ALDH1B1: variants seen among roughly 807,000 people sequenced by gnomAD.
ALDH1B1 encodes aldehyde dehydrogenase family 1 member B1, mitochondrial.
In ALDH1B1, 19 loss-of-function variants were observed where a neutral mutation model predicts 26.2. The observed-to-expected ratio is 0.72, with a 90% CI of 0.51 to 1.06. The LOEUF (loss-of-function observed/expected upper bound fraction) is 1.06, where lower values mean the gene tolerates loss of function less well. Among genes scored for constraint, ALDH1B1 ranks in the 50% least tolerant of loss-of-function variants. ALDH1B1 has a pLI of 0.00. For missense variants in ALDH1B1, 671 were observed against 683.1 expected (o/e 0.98, Z 0.20); for synonymous variants, 249 against 286.0 (o/e 0.87, Z 1.31).
At chr9:38,393,320 C>G (rs571660792) in intron 1 of ALDH1B1, among the ~76,000 whole-genome samples, 1 of 152,312 alleles carries the variant, frequency 6.6e-6, no homozygotes, top group East Asian at 1.9e-4. Flanking sequence ...CTCTCTGATG[C>G]CCAGCCTTCT....
At chr9:38,395,705 A>AT in intron 1 of ALDH1B1, 35 bp from the exon 2 acceptor site, 1 of 1,532,036 alleles carries the variant, frequency 6.5e-7, no homozygotes, top group African/African-American at 1.4e-5. Flanking sequence ...GCCTTCTCCC[A>AT]CCTGTTCACC....
In ALDH1B1 at chr9:38,396,834, G is replaced by T. The variant is rs1326880726; in HGVS notation, c.1086G>T (p.Val362=). The change falls in exon 2 of 2, where the codon GTG becomes GTT. Residue 362 remains valine, a synonymous_variant. Transcript: ENST00000377698. ...FELDTQQGPQ[V]DKEQFERVLG... ...TGGACACCCAGCAGGGGCCTCAGGTGGACAAGGAGCAGTTTGAACGAGTCC... is the reference window on the plus strand; with the variant it reads ...TGGACACCCAGCAGGGGCCTCAGGTTGACAAGGAGCAGTTTGAACGAGTCC... The T allele has an allele frequency of 3.1e-6, 5 of 1,614,126 alleles. No individual in the cohort carries two copies. The highest frequency in any genetic ancestry group is 1.7e-5 in the Admixed American group (1 of 60,012).
rs546812770 is a variant in ALDH1B1 at position 38,395,677 on chromosome 9, C to T, written c.-9-63C>T. The T allele has an allele frequency of 1.8e-4, 271 of 1,512,224 alleles. 2 individuals are homozygous for T. The South Asian group carries it at 3.2e-3, about 18-fold the overall frequency. The allele number at this position is 1,512,224 out of a possible 1,614,324, so 93.7% of individuals were successfully genotyped here. ...TCTTGAAATGTTTGAGCTGGTGGGC[C>T]CTTGGGTACCGCCACCTGCCTTCTC... On this transcript the variant is annotated intron_variant, in intron 1 of 1. Transcript: ENST00000377698.
At chr9:38,394,728 G>A (rs969627806) in intron 1 of ALDH1B1, among the ~76,000 whole-genome samples, 2 of 152,136 alleles carry the variant, frequency 1.3e-5, no homozygotes, top group Admixed American at 6.5e-5. Context: ...ACCGCTGGGC[G>A]GAGCAAGACT....
chr9:38,396,121 T>G lies in ALDH1B1; in HGVS notation c.373T>G (p.Leu125Val). Residue 125 changes from leucine to valine, a missense_variant, in exon 2 of 2, where the codon TTG becomes GTG. By Grantham distance (32) the Leu-to-Val change is conservative. Coordinates refer to ENST00000377698, the MANE Select transcript of ALDH1B1 (RefSeq NM_000692.5). Reference sequence around the variant, plus strand: ...AGTCTACTTGGCCTCACTCGAGACCTTGGACAATGGGAAGCCTTTCCAAGA... The same window carrying G: ...AGTCTACTTGGCCTCACTCGAGACCGTGGACAATGGGAAGCCTTTCCAAGA... ...DRVYLASLET[L>V]DNGKPFQESY... The G allele has an allele frequency of 6.2e-7, 1 of 1,614,172 alleles. No individual in the cohort carries two copies. Among genetic ancestry groups the G allele is most frequent in the Non-Finnish European group, 8.5e-7 (1 of 1,180,016 alleles).
intron 1 of ALDH1B1, among the ~76,000 whole-genome samples, chr9:38,394,975 TG>T (rs1243580347): frequency 6.6e-6 from 1 of 152,142 alleles, no homozygotes; most frequent in Non-Finnish European, 1.5e-5. Flanking sequence ...CTGAGACCTG[TG>T]GTTGGGGGAT....
chr9:38,396,516 C>T lies in ALDH1B1; in HGVS notation c.768C>T (p.Asp256=), dbSNP rs754577203. ...CCATCGCCCAGCACGTGGATGTTGACAAAGTTGCCTTCACCGGTTCCACCG... is the reference window on the plus strand; with the variant it reads ...CCATCGCCCAGCACGTGGATGTTGATAAAGTTGCCTTCACCGGTTCCACCG... The part of the protein sequence containing the change: ...GAAIAQHVDV[D]KVAFTGSTEV... Residue 256 remains aspartate, a synonymous_variant, in exon 2 of 2, where the codon GAC becomes GAT. Coordinates refer to ENST00000377698, the MANE Select transcript of ALDH1B1 (RefSeq NM_000692.5). 1.7e-5 allele frequency: 27 copies of T among 1,613,794 alleles called. No homozygotes were observed. Among genetic ancestry groups the T allele is most frequent in the Non-Finnish European group, 2.3e-5 (27 of 1,179,954 alleles).
rs540380490 is a variant in ALDH1B1, at chr9:38,396,079, C to G, written c.331C>G (p.Leu111Val). The G allele has an allele frequency of 1.9e-5, 30 of 1,614,174 alleles. No individual in the cohort carries two copies. In the Admixed American group the frequency reaches 2.8e-4, roughly 15 times the overall value. ...CCGGCTGCTGAACCGCCTGGCAGAC[C>G]TAGTGGAGCGGGATCGAGTCTACTT... is the stretch of plus-strand genomic sequence containing the variant. ...RGRLLNRLAD[L>V]VERDRVYLAS... The change falls in exon 2 of 2, where the codon CTA becomes GTA. Residue 111 changes from leucine (L) to valine (V), a missense_variant. Leu to Val is a conservative substitution (Grantham distance 32). Coordinates refer to ENST00000377698, the MANE Select transcript of ALDH1B1 (RefSeq NM_000692.5).
At chr9:38,395,627 G>C in intron 1 of ALDH1B1, 113 bp from the exon 2 acceptor site, 1 of 1,403,866 alleles carries the variant, frequency 7.1e-7, no homozygotes, top group African/African-American at 1.4e-5. Context: ...TGTGTTTTTA[G>C]AGGTGACAGT....
intron 1 of ALDH1B1, among the ~76,000 whole-genome samples, chr9:38,394,209 C>T (rs1179555462): frequency 3.3e-5 from 5 of 152,148 alleles, no homozygotes; most frequent in African/African-American, 7.2e-5. Context: ...ATCCTGTGTT[C>T]GAGTGTTCAA....
In ALDH1B1 at chr9:38,398,586, A is replaced by T. The variant is rs2118268161; in HGVS notation, c.*1284A>T. 1 of 165,116 alleles carries T rather than the reference A, an allele frequency of 6.1e-6. No homozygotes were observed. Among genetic ancestry groups the T allele is most frequent in the East Asian group, 1.9e-4 (1 of 5,192 alleles). 10.2% of individuals were successfully genotyped at this position (165,116 alleles called of 1,614,324 possible). On this transcript the variant is annotated 3_prime_UTR_variant, in exon 2 of 2. Transcript: ENST00000377698. ...CGCCTCAGCCTCCCAAAGTGCTGGG[A>T]TTACAGGTGGGAGCCACAACACCCG...
rs1313548659 is a variant in ALDH1B1, at chr9:38,396,989, A to C, written c.1241A>C (p.Lys414Thr). The C allele has an allele frequency of 1.2e-6, 2 of 1,614,108 alleles. No homozygotes were observed. The highest frequency in any genetic ancestry group is 2.2e-5 in the South Asian group (2 of 91,074). ...GGVQDDMRIA[K>T]EEIFGPVQPL... Reference sequence around the variant, plus strand: ...GTGCAGGATGACATGAGAATTGCCAAAGAGGAGATCTTTGGGCCTGTGCAG... The same window carrying C: ...GTGCAGGATGACATGAGAATTGCCACAGAGGAGATCTTTGGGCCTGTGCAG... The change falls in exon 2 of 2, where the codon AAA (lysine) becomes ACA (threonine). Residue 414 changes from lysine to threonine, a missense_variant. Physicochemically the swap from Lys to Thr is moderately conservative, Grantham distance 78 (BLOSUM62 -1). Coordinates refer to ENST00000377698, the MANE Select transcript of ALDH1B1 (RefSeq NM_000692.5).
At position 38,398,017 on chromosome 9, in the gene ALDH1B1, G is replaced by T; in HGVS notation, c.*715G>T. ...AGTACTGACACATGCTGTGACATCAGTGAACCCTGAAAACATCCTTCTCAG... is the reference window on the plus strand; with the variant it reads ...AGTACTGACACATGCTGTGACATCATTGAACCCTGAAAACATCCTTCTCAG... On this transcript the variant is annotated 3_prime_UTR_variant, in exon 2 of 2. Transcript: ENST00000377698. 1 of 167,112 alleles carries T rather than the reference G, an allele frequency of 6.0e-6. No homozygotes were observed. The highest frequency in any genetic ancestry group is 3.1e-3 in the Middle Eastern group (1 of 318). The allele number at this position is 167,112 out of a possible 1,614,324, so 10.4% of individuals were successfully genotyped here. A position where few individuals can be genotyped will look rare whatever the true frequency, so the allele number is the denominator to read the frequency against.
intron 1 of ALDH1B1, among the ~76,000 whole-genome samples, chr9:38,393,087 C>T (rs1017340559): frequency 2.6e-5 from 4 of 152,246 alleles, no homozygotes; most frequent in African/African-American, 9.6e-5. Flanking sequence ...TGACCATAGC[C>T]CAGAGGCTTG....
chr9:38,395,082 C>A (rs1241621663), intron 1 of ALDH1B1, among the ~76,000 whole-genome samples: 2 of 152,080 alleles, frequency 1.3e-5, no homozygotes, highest in Non-Finnish European at 2.9e-5. Context: ...CAACATAACC[C>A]CATGAGGCAT....
chr9:38,393,767 G>A (rs1389067420), intron 1 of ALDH1B1, among the ~76,000 whole-genome samples: 2 of 151,860 alleles, frequency 1.3e-5, no homozygotes, highest in African/African-American at 4.8e-5. Flanking sequence ...ATATGATGAG[G>A]TTTCTCTTCA....
rs1388161448 is a variant in ALDH1B1, at chr9:38,397,152, G to A, written c.1404G>A (p.Val468=). The change falls in exon 2 of 2, where the codon GTG becomes GTA. Residue 468 remains valine (V), a synonymous_variant. Coordinates refer to ENST00000377698, the MANE Select transcript of ALDH1B1 (RefSeq NM_000692.5). ...CCCAGGCACTCCAGGCCGGGACCGT[G>A]TGGGTAAACACCTACAACATCGTCA... ...YFTQALQAGT[V]WVNTYNIVTC... is the part of the protein sequence containing the mutation. 3 of 1,614,100 alleles carry A rather than the reference G, an allele frequency of 1.9e-6. No homozygotes were observed. Among genetic ancestry groups the A allele is most frequent in the South Asian group, 1.1e-5 (1 of 91,084 alleles).
rs747754718 is a variant in ALDH1B1 at position 38,396,479 on chromosome 9, C to T, written c.731C>T (p.Thr244Ile). 8.7e-6 allele frequency: 14 copies of T among 1,613,942 alleles called. No homozygotes were observed. Among genetic ancestry groups the T allele is most frequent in the South Asian group, 3.3e-5 (3 of 91,096 alleles). ...VVNIITGYGP[T>I]AGAAIAQHVD... Reference sequence around the variant, plus strand: ...AACATCATCACGGGGTATGGCCCAACAGCAGGTGCGGCCATCGCCCAGCAC... The same window carrying T: ...AACATCATCACGGGGTATGGCCCAATAGCAGGTGCGGCCATCGCCCAGCAC... The change falls in exon 2 of 2, where the codon ACA becomes ATA. Residue 244 changes from threonine (T) to isoleucine (I), a missense_variant. Coordinates refer to ENST00000377698, the MANE Select transcript of ALDH1B1 (RefSeq NM_000692.5).
chr9:38,397,345 C>T lies in ALDH1B1; in HGVS notation c.*43C>T. 6.4e-7 allele frequency: 1 copy of T among 1,562,404 alleles called. No individual in the cohort carries two copies. Among genetic ancestry groups the T allele is most frequent in the African/African-American group, 1.4e-5 (1 of 73,892 alleles). On this transcript the variant is annotated 3_prime_UTR_variant, in exon 2 of 2. Transcript: ENST00000377698. ...GCCCAGTCACAGTCCAGCAATTCCA[C>T]AACCACCTTGACGAATGCTTGCCAA...
Sources: allele counts gnomAD v4.1 joint callset (sites outside exome capture counted in the v4.1 genomes callset), GRCh38; gene constraint gnomAD v4.1.1; transcripts MANE v1.5; gene names NCBI Gene and HGNC (gene_info 2026-07-23, HGNC 2026-07-21).